The following RABL3 variants were observed in gnomAD, a reference collection of about 807,000 sequenced individuals.
RABL3 encodes RAB, member of RAS oncogene family like 3, also known as rab-like protein 3.
Under a neutral mutation model 31.8 loss-of-function variants are expected in RABL3, and 31 were observed. The ratio of observed to expected loss-of-function variants is 0.97; its 90% CI spans 0.73 to 1.31. The LOEUF is 1.31. Ranked by LOEUF, RABL3 falls within the 40% of genes most tolerant of loss-of-function variation. The pLI is 0.00. For synonymous variants in RABL3, 97 were observed against 99.9 expected (o/e 0.97, Z 0.18); for missense variants, 263 against 279.6 (o/e 0.94, Z 0.42).
chr3:120,690,336 G>T, intron 7 of RABL3, 113 bp downstream of exon 7: 1 of 707,722 alleles, frequency 1.4e-6, no homozygotes, highest in Non-Finnish European at 2.5e-6. Flanking sequence ...GAAATCAGTT[G>T]CTTGTGCCTA....
intron 7 of RABL3, 125 bp from the exon 8 acceptor site, chr3:120,690,013 G>C: frequency 2.9e-6 from 2 of 700,882 alleles, no homozygotes; most frequent in Non-Finnish European, 4.9e-6. Flanking sequence ...ACAACTTTCT[G>C]AGGTTTTACT....
chr3:120,721,084 T>C (rs1303156934), intron 2 of RABL3, among the ~76,000 whole-genome samples: 1 of 152,192 alleles, frequency 6.6e-6, no homozygotes, highest in Non-Finnish European at 1.5e-5. Context: ...CCAGCCAAAC[T>C]AAGCTTCATA....
intron 6 of RABL3, among the ~76,000 whole-genome samples, chr3:120,691,642 A>G (rs1325569870): frequency 6.6e-6 from 1 of 152,256 alleles, no homozygotes; most frequent in African/African-American, 2.4e-5. Context: ...CCAATTTACA[A>G]GGGGTTTACT....
At chr3:120,727,981 A>C (rs1206698542) in intron 2 of RABL3, among the ~76,000 whole-genome samples, 1 of 152,210 alleles carries the variant, frequency 6.6e-6, no homozygotes, top group Non-Finnish European at 1.5e-5. Flanking sequence ...ATACTTTACT[A>C]AATAGTGTTA....
At position 120,730,747 on chromosome 3, in the gene RABL3, AT is replaced by A; in HGVS notation, c.86del (p.Asn29IlefsTer34). On this transcript the variant is annotated frameshift_variant, in exon 2 of 8. Coordinates refer to ENST00000273375, the MANE Select transcript of RABL3 (RefSeq NM_173825.5). LOFTEE classifies it high-confidence loss of function. ...KSSLVHLLCQNQVLGNPSWTV... is the reference protein window; with the variant it reads ...KSSLVHLLCQXQVLGNPSWTV... ...TCCATGATGGATTTCCCAGCACTTG[AT>A]TTTGGCATAGGAGATGGACTAACGA... 2 of 1,613,966 alleles carry A rather than the reference AT, an allele frequency of 1.2e-6. No individual in the cohort carries two copies. Among genetic ancestry groups the A allele is most frequent in the Non-Finnish European group, 1.7e-6 (2 of 1,179,872 alleles).
intron 2 of RABL3, among the ~76,000 whole-genome samples, chr3:120,715,576 G>A (rs1000371446): frequency 2.0e-5 from 3 of 151,950 alleles, no homozygotes; most frequent in South Asian, 2.1e-4. Flanking sequence ...AAGAAAGAAC[G>A]AAATGTCCAA....
chr3:120,733,828 CTTGT>C (rs1223906660), intron 1 of RABL3, among the ~76,000 whole-genome samples: 1 of 152,126 alleles, frequency 6.6e-6, no homozygotes, highest in Admixed American at 6.5e-5. Flanking sequence ...TTCCCCATTG[CTTGT>C]TTTTCTCAGG....
At chr3:120,737,036 G>A (rs937484067) in intron 1 of RABL3, among the ~76,000 whole-genome samples, 8 of 152,098 alleles carry the variant, frequency 5.3e-5, no homozygotes, top group Admixed American at 5.2e-4. Context: ...TATCTTTGTG[G>A]CGTTCTCTGT....
intron 2 of RABL3, among the ~76,000 whole-genome samples, chr3:120,710,140 CCCT>C (rs1232468623): frequency 1.3e-5 from 2 of 151,990 alleles, no homozygotes; most frequent in African/African-American, 4.8e-5. Flanking sequence ...AGCCTCACCT[CCCT>C]CCTAACTAAG....
intron 4 of RABL3, among the ~76,000 whole-genome samples, chr3:120,700,852 CTTTG>C (rs1708484567): frequency 1.3e-5 from 2 of 151,854 alleles, no homozygotes; most frequent in Non-Finnish European, 2.9e-5. Context: ...ATTTTCCATT[CTTTG>C]TATTTACATA....
intron 4 of RABL3, among the ~76,000 whole-genome samples, chr3:120,700,677 T>C (rs1023947058): frequency 6.6e-6 from 1 of 152,076 alleles, no homozygotes; most frequent in Non-Finnish European, 1.5e-5. Context: ...AAAGCCCTTA[T>C]GTTTTAAAGT....
At chr3:120,698,800 C>T (rs1708465905) in intron 4 of RABL3, among the ~76,000 whole-genome samples, 1 of 152,172 alleles carries the variant, frequency 6.6e-6, no homozygotes, top group African/African-American at 2.4e-5. Flanking sequence ...AAATTTGGTC[C>T]CATGTTTTTA....
rs1576326355 is a variant in RABL3 at position 120,685,894 on chromosome 3, G to C, written c.*3929C>G. Among the ~76,000 whole-genome samples, 1 of 152,208 alleles carries C rather than the reference G, an allele frequency of 6.6e-6. No homozygotes were observed. The highest frequency in any genetic ancestry group is 1.5e-5 in the Non-Finnish European group (1 of 68,042). Reference sequence around the variant, plus strand: ...AGAAAGGGGAGAGTAAGGGAAGAGAGAGGAAATCGTGGAATCTGCATTTTC... The same window carrying C: ...AGAAAGGGGAGAGTAAGGGAAGAGACAGGAAATCGTGGAATCTGCATTTTC... On this transcript the variant is annotated 3_prime_UTR_variant, in exon 8 of 8. Transcript: ENST00000273375.
chr3:120,727,302 A>T (rs371189765), intron 2 of RABL3, among the ~76,000 whole-genome samples: 2 of 152,180 alleles, frequency 1.3e-5, no homozygotes, highest in East Asian at 3.8e-4. Context: ...CAGAAATGAA[A>T]AAGGGAATAT....
chr3:120,709,956 C>A lies in RABL3; in HGVS notation c.139-47G>T, dbSNP rs1330874800. On this transcript the variant is annotated intron_variant, in intron 2 of 7. Coordinates refer to ENST00000273375, the MANE Select transcript of RABL3 (RefSeq NM_173825.5). ...ATAATTAATATAGCCACTAAACAAACTAGTAAGTACCCTTATTCCGGTTTA... is the reference window on the plus strand; with the variant it reads ...ATAATTAATATAGCCACTAAACAAAATAGTAAGTACCCTTATTCCGGTTTA... 5 of 1,384,212 alleles carry A rather than the reference C, an allele frequency of 3.6e-6. No individual in the cohort carries two copies. In the South Asian group the frequency reaches 6.4e-5, roughly 18 times the overall value. The allele number at this position is 1,384,212 out of a possible 1,614,324, so 85.7% of individuals were successfully genotyped here.
intron 3 of RABL3, among the ~76,000 whole-genome samples, chr3:120,709,421 G>A (rs1708586737): frequency 6.6e-6 from 1 of 151,992 alleles, no homozygotes; most frequent in Non-Finnish European, 1.5e-5. Flanking sequence ...TCTGGCTTAA[G>A]ACTATGGGAC....
At chr3:120,690,365 T>C in intron 7 of RABL3, 84 bp downstream of exon 7, 1 of 1,020,456 alleles carries the variant, frequency 9.8e-7, no homozygotes, top group South Asian at 1.4e-5. Flanking sequence ...TTTCCCCAAC[T>C]TTTTAAAACT....
chr3:120,692,399 C>T (rs1339690738), intron 6 of RABL3, among the ~76,000 whole-genome samples: 1 of 152,152 alleles, frequency 6.6e-6, no homozygotes, highest in Non-Finnish European at 1.5e-5. Context: ...GGGGTTTCAC[C>T]ATGCTAGCCA....
intron 1 of RABL3, among the ~76,000 whole-genome samples, chr3:120,734,620 C>T (rs1000810744): frequency 3.3e-5 from 5 of 152,142 alleles, no homozygotes; most frequent in Admixed American, 1.3e-4. Flanking sequence ...TTGTCTTGTG[C>T]CAGTTTTCAA....
Sources: gnomAD v4.1 joint callset for allele counts (sites outside exome capture counted in the v4.1 genomes callset) on GRCh38, gnomAD v4.1.1 for gene constraint, MANE v1.5 for transcripts, NCBI Gene and HGNC (gene_info 2026-07-23, HGNC 2026-07-21) for gene names.